Variants in PRR33 observed in about 807,000 individuals in gnomAD.
PRR33 encodes the protein proline-rich protein 33.
A neutral mutation model predicts 0.5 loss-of-function variants in PRR33; 1 was observed. The ratio of observed to expected loss-of-function variants is 2.18; its 90% CI spans 0.77 to 10.34. The LOEUF (loss-of-function observed/expected upper bound fraction) is 10.34, where lower values mean the gene tolerates loss of function less well. PRR33 is among the 30% of genes most tolerant of loss of function. The probability of loss-of-function intolerance (pLI) is 0.13; values close to 1 mark genes in which losing one functional copy is unlikely to be tolerated. For synonymous variants in PRR33, 226 were observed against 110.0 expected (o/e 2.06, Z -6.60); for missense variants, 552 against 251.8 (o/e 2.19, Z -8.07).
the PRR33 span, among the ~76,000 whole-genome samples, chr11:1,908,194 GAATCTGCTAC>G: frequency 6.6e-6 from 1 of 152,220 alleles, no homozygotes; most frequent in Non-Finnish European, 1.5e-5. Flanking sequence ...CTCTAAATAT[GAATCTGCTAC>G]ATCACCTTCA....
At chr11:1,908,424 C>T in the PRR33 span, among the ~76,000 whole-genome samples, 1 of 150,944 alleles carries the variant, frequency 6.6e-6, no homozygotes, top group East Asian at 2.0e-4. Flanking sequence ...AACTCCCTAC[C>T]CATTTTTTTT....
the PRR33 span, among the ~76,000 whole-genome samples, chr11:1,901,169 G>A: frequency 6.6e-5 from 10 of 152,078 alleles, no homozygotes; most frequent in Non-Finnish European, 1.3e-4. Context: ...AAAATTAGTC[G>A]GGCGTTGTGG....
chr11:1,903,717 A>G, the PRR33 span, among the ~76,000 whole-genome samples: 2 of 152,308 alleles, frequency 1.3e-5, no homozygotes, highest in South Asian at 2.1e-4. Flanking sequence ...TCGGTTTTTC[A>G]GAGATGAAGG....
At chr11:1,889,703 C>T (rs772128425) in exon 1 of PRR33, 10 of 645,324 alleles carry the variant, frequency 1.5e-5, no homozygotes, top group Non-Finnish European at 2.8e-5. Context: ...GGGGCTCCTC[C>T]AGGTGCTCTC....
chr11:1,915,650 ATGT>A, the PRR33 span, among the ~76,000 whole-genome samples: 1 of 3,506 alleles, frequency 2.9e-4, no homozygotes, highest in Non-Finnish European at 5.2e-4. Flanking sequence ...GTGGGGGGTG[ATGT>A]TATGTGTGTG....
the PRR33 span, among the ~76,000 whole-genome samples, chr11:1,911,927 G>A: frequency 6.7e-6 from 1 of 148,778 alleles, no homozygotes; most frequent in Non-Finnish European, 1.5e-5. Context: ...TTGGGAGGCC[G>A]AGCTGGGAGG....
At chr11:1,890,314 C>T (rs796839221) in exon 1 of PRR33, 34 of 710,784 alleles carry the variant, frequency 4.8e-5, no homozygotes, top group African/African-American at 1.6e-4. Flanking sequence ...CGTGGGGCTT[C>T]GGCGGGGTGC....
the PRR33 span, among the ~76,000 whole-genome samples, chr11:1,917,436 C>CT: frequency 2.0e-5 from 3 of 152,214 alleles, no homozygotes; most frequent in Admixed American, 6.5e-5. Flanking sequence ...CAGAACCCCC[C>CT]CATCCCCCAA....
At chr11:1,915,270 A>T in the PRR33 span, among the ~76,000 whole-genome samples, 1 of 144,546 alleles carries the variant, frequency 6.9e-6, no homozygotes, top group African/African-American at 2.6e-5. Flanking sequence ...TTCTGGGATC[A>T]CATCCCTGGG....
chr11:1,888,826 C>G (rs1848862667), exon 1 of PRR33: 1 of 296,506 alleles, frequency 3.4e-6, no homozygotes, highest in Non-Finnish European at 6.3e-6. Flanking sequence ...TCAGTAGATG[C>G]AGTCCTCTGC....
At chr11:1,895,353 G>A (rs983816489), upstream of PRR33, among the ~76,000 whole-genome samples, 3 of 152,040 alleles carry the variant, frequency 2.0e-5, no homozygotes, top group East Asian at 3.9e-4. Context: ...GGCTGGTCTC[G>A]AATTCCTGAC....
At chr11:1,912,389 A>G in the PRR33 span, among the ~76,000 whole-genome samples, 7 of 152,030 alleles carry the variant, frequency 4.6e-5, no homozygotes, top group African/African-American at 1.7e-4. Flanking sequence ...AGTCAATTCC[A>G]TGTTCTATTT....
At chr11:1,907,498 G>T in the PRR33 span, among the ~76,000 whole-genome samples, 1 of 152,170 alleles carries the variant, frequency 6.6e-6, no homozygotes, top group South Asian at 2.1e-4. Context: ...TGCAACCTCG[G>T]CCTCCAGGGT....
chr11:1,890,505 A>T (rs1191312490), exon 1 of PRR33: 1 of 716,696 alleles, frequency 1.4e-6, no homozygotes, highest in Non-Finnish European at 2.6e-6. Context: ...CTTGGGCAGC[A>T]GGGGCGGTGG....
chr11:1,909,705 G>C, the PRR33 span, among the ~76,000 whole-genome samples: 63 of 152,084 alleles, frequency 4.1e-4, 1 homozygote, highest in Admixed American at 4.1e-3. Context: ...ACCTGAGCCT[G>C]GGAGGTTGAG....
At chr11:1,889,389 C>T (rs1848890362) in exon 1 of PRR33, 1 of 700,302 alleles carries the variant, frequency 1.4e-6, no homozygotes, top group Non-Finnish European at 2.7e-6. Flanking sequence ...ATCCCACATC[C>T]TGGAGGTCCG....
the PRR33 span, among the ~76,000 whole-genome samples, chr11:1,916,023 C>A: frequency 2.0e-5 from 3 of 149,660 alleles, no homozygotes; most frequent in African/African-American, 7.4e-5. Flanking sequence ...GATGGACAGA[C>A]GGAGGGATGG....
chr11:1,895,176 A>T (rs1002298735), upstream of PRR33, among the ~76,000 whole-genome samples: 6 of 151,622 alleles, frequency 4.0e-5, no homozygotes, highest in Non-Finnish European at 8.8e-5. Context: ...CTTGTTGCCC[A>T]GGCTGGAGTG....
the PRR33 span, among the ~76,000 whole-genome samples, chr11:1,910,030 TC>T: frequency 0.03 from 4,503 of 152,344 alleles, 260 homozygotes; most frequent in East Asian, 0.28. Flanking sequence ...GGTTGCTGTG[TC>T]CGGGACTTCG....
Sources: allele counts gnomAD v4.1 joint callset (sites outside exome capture counted in the v4.1 genomes callset), GRCh38; gene constraint gnomAD v4.1.1; transcripts MANE v1.5; gene names NCBI Gene and HGNC (gene_info 2026-07-23, HGNC 2026-07-21).